The following ZNF718 variants were observed in gnomAD, a reference collection of about 807,000 sequenced individuals.
The protein encoded by ZNF718 is zinc finger protein 718.
Under a neutral mutation model 2.6 loss-of-function variants are expected in ZNF718, and 3 were observed. The ratio of observed to expected loss-of-function variants is 1.16; its 90% CI spans 0.53 to 3.01. ZNF718 has a LOEUF of 3.01. Among genes scored for constraint, ZNF718 ranks in the 30% most tolerant of loss-of-function variants. The probability of loss-of-function intolerance (pLI) is 0.03; values close to 1 mark genes in which losing one functional copy is unlikely to be tolerated. For missense variants in ZNF718, 468 were observed against 230.0 expected (o/e 2.03, Z -6.69); for synonymous variants, 135 against 77.9 (o/e 1.73, Z -3.86).
At chr4:179,470 G>T (rs1717422752) in intron 3 of ZNF718, among the ~76,000 whole-genome samples, 1 of 152,186 alleles carries the variant, frequency 6.6e-6, no homozygotes, top group African/African-American at 2.4e-5. Flanking sequence ...GTGCATCACT[G>T]AGTAGTATTG....
chr4:170,487 A>C (rs980126099), intron 3 of ZNF718, among the ~76,000 whole-genome samples: 1 of 152,158 alleles, frequency 6.6e-6, no homozygotes, highest in African/African-American at 2.4e-5. Context: ...AGGTACACCA[A>C]TCAGACGTAG....
intron 3 of ZNF718, among the ~76,000 whole-genome samples, chr4:150,480 C>CAT (rs1716267970): frequency 6.6e-6 from 1 of 151,862 alleles, no homozygotes; most frequent in Non-Finnish European, 1.5e-5. Flanking sequence ...TGTTAGATTT[C>CAT]ATATATGTGT....
At chr4:176,859 A>G (rs1553819154) in intron 3 of ZNF718, among the ~76,000 whole-genome samples, 2 of 152,216 alleles carry the variant, frequency 1.3e-5, no homozygotes, top group Non-Finnish European at 2.9e-5. Context: ...TAGTGGCAGA[A>G]TATCAGATAC....
intron 3 of ZNF718, among the ~76,000 whole-genome samples, chr4:140,548 CTT>C (rs1325155192): frequency 6.6e-6 from 1 of 152,128 alleles, no homozygotes; most frequent in African/African-American, 2.4e-5. Context: ...CCCCAGTGCT[CTT>C]TGGATTCTGG....
At chr4:169,379 G>A (rs570876213) in intron 3 of ZNF718, among the ~76,000 whole-genome samples, 1 of 152,238 alleles carries the variant, frequency 6.6e-6, no homozygotes, top group East Asian at 1.9e-4. Context: ...GCTTGGTGCA[G>A]GGCTGTGTTC....
At chr4:167,131 TG>T (rs1717107533), downstream of ZNF718, among the ~76,000 whole-genome samples, 1 of 152,176 alleles carries the variant, frequency 6.6e-6, no homozygotes, top group Admixed American at 6.5e-5. Flanking sequence ...TTCTCGTTTT[TG>T]TCAGGTTTGT....
chr4:200,805 C>G (rs534361689), intron 3 of ZNF718, among the ~76,000 whole-genome samples: 63 of 152,158 alleles, frequency 4.1e-4, no homozygotes, highest in South Asian at 3.3e-3. Context: ...AGGCTATTAA[C>G]AACAGTGATT....
rs1338623193 is a variant in ZNF718, at chr4:163,631, A to C, written c.*1509A>C. On this transcript the variant is annotated 3_prime_UTR_variant, in exon 4 of 4. Coordinates refer to ENST00000510175, the MANE Select transcript of ZNF718 (RefSeq NM_001039127.6). ...AGAAAAATCTTGAATTTTAGTAATA[A>C]ATTGCTTTTACCAGTTGCACATTTA... is the stretch of plus-strand genomic sequence containing the variant. 1 of 152,136 alleles carries C rather than the reference A, an allele frequency of 6.6e-6. No individual in the cohort carries two copies. The highest frequency in any genetic ancestry group is 2.4e-5 in the African/African-American group (1 of 41,426). The allele number at this position is 152,136 out of a possible 1,614,324, so 9.4% of individuals were successfully genotyped here.
chr4:169,274 T>G (rs1581471692), intron 3 of ZNF718, among the ~76,000 whole-genome samples: 1 of 152,322 alleles, frequency 6.6e-6, no homozygotes, highest in South Asian at 2.1e-4. Flanking sequence ...CTTCCAACTA[T>G]GTGGTCGATT....
chr4:172,912 G>T (rs1717268778), intron 3 of ZNF718, among the ~76,000 whole-genome samples: 1 of 152,006 alleles, frequency 6.6e-6, no homozygotes, highest in Admixed American at 6.6e-5. Context: ...GGCCATGGTG[G>T]GGTGCACCTG....
At chr4:174,559 A>G (rs1717309908) in intron 3 of ZNF718, among the ~76,000 whole-genome samples, 1 of 152,158 alleles carries the variant, frequency 6.6e-6, no homozygotes, top group Non-Finnish European at 1.5e-5. Context: ...ATAATCCTGG[A>G]GGCCCTAAGC....
intron 3 of ZNF718, among the ~76,000 whole-genome samples, chr4:153,905 A>G (rs147114863): frequency 3.7e-4 from 57 of 152,346 alleles, no homozygotes; most frequent in African/African-American, 1.3e-3. Context: ...ATAATTGTGT[A>G]TGACAATATT....
intron 3 of ZNF718, among the ~76,000 whole-genome samples, chr4:146,001 T>C (rs1716038624): frequency 6.6e-6 from 1 of 151,914 alleles, no homozygotes; most frequent in African/African-American, 2.4e-5. Context: ...TGAAGCTATA[T>C]GTGTTTTAAT....
chr4:185,407 G>C (rs1717547729), intron 3 of ZNF718, among the ~76,000 whole-genome samples: 1 of 152,146 alleles, frequency 6.6e-6, no homozygotes. Flanking sequence ...GCTGAGGCAT[G>C]TTTTAATACT....
chr4:142,409 A>T (rs981821979), intron 3 of ZNF718, among the ~76,000 whole-genome samples: 9 of 152,232 alleles, frequency 5.9e-5, no homozygotes, highest in Non-Finnish European at 1.2e-4. Context: ...ATGAAAGCCC[A>T]GTCAGTGTAA....
chr4:149,771 C>G (rs1716232795), intron 3 of ZNF718: 3 of 151,976 alleles, frequency 2.0e-5, no homozygotes, highest in African/African-American at 7.2e-5. Flanking sequence ...TGTAAAGTTA[C>G]CATCTGTTTA....
At chr4:133,326 A>T (rs1300428512) in intron 3 of ZNF718, among the ~76,000 whole-genome samples, 1 of 151,614 alleles carries the variant, frequency 6.6e-6, no homozygotes, top group African/African-American at 2.4e-5. Flanking sequence ...ATGCCCTCAC[A>T]TTCAAAGGGT....
downstream of ZNF718, among the ~76,000 whole-genome samples, chr4:169,129 G>A (rs1271788214): frequency 1.3e-5 from 2 of 152,188 alleles, no homozygotes; most frequent in Non-Finnish European, 2.9e-5. Flanking sequence ...TCATTCAGGA[G>A]CAGGTTGTTC....
chr4:140,863 TTACTAA>T (rs1263345540), intron 3 of ZNF718, among the ~76,000 whole-genome samples: 1 of 152,218 alleles, frequency 6.6e-6, no homozygotes, highest in African/African-American at 2.4e-5. Context: ...AAGTATAACT[TTACTAA>T]ACAAGCTAGC....
Sources: allele counts gnomAD v4.1 joint callset (sites outside exome capture counted in the v4.1 genomes callset), GRCh38; gene constraint gnomAD v4.1.1; transcripts MANE v1.5; gene names NCBI Gene and HGNC (gene_info 2026-07-23, HGNC 2026-07-21).